The following CCNY variants were observed in gnomAD, a reference collection of about 807,000 sequenced individuals.
CCNY encodes the protein cyclin-Y.
A neutral mutation model predicts 42.8 loss-of-function variants in CCNY; 19 were observed. The ratio of observed to expected loss-of-function variants is 0.44; its 90% CI spans 0.31 to 0.65. The LOEUF (loss-of-function observed/expected upper bound fraction) is 0.65, where lower values mean the gene tolerates loss of function less well. CCNY is among the 30% of genes least tolerant of loss of function. CCNY has a pLI of 0.07. For missense variants in CCNY, 370 were observed against 437.3 expected (o/e 0.85, Z 1.37); for synonymous variants, 165 against 162.7 (o/e 1.01, Z -0.11).
chr10:35,564,893 G>C (rs1841537713), intron 8 of CCNY, among the ~76,000 whole-genome samples: 1 of 152,220 alleles, frequency 6.6e-6, no homozygotes, highest in South Asian at 2.1e-4. Context: ...CTGACTATGA[G>C]GAGAACAGCC....
At chr10:35,439,021 G>A (rs893273424) in intron 1 of CCNY, among the ~76,000 whole-genome samples, 3 of 152,156 alleles carry the variant, frequency 2.0e-5, no homozygotes, top group Admixed American at 2.0e-4. Context: ...TGAACAATCA[G>A]CTGTCATTCA....
intron 3 of CCNY, among the ~76,000 whole-genome samples, chr10:35,275,874 C>T (rs1001129013): frequency 3.3e-5 from 5 of 152,212 alleles, no homozygotes; most frequent in Admixed American, 2.6e-4. Flanking sequence ...CACACGGCCC[C>T]AGCCACCGCC....
intron 3 of CCNY, among the ~76,000 whole-genome samples, chr10:35,316,750 C>T (rs1432326901): frequency 6.6e-6 from 1 of 152,090 alleles, no homozygotes; most frequent in African/African-American, 2.4e-5. Context: ...AAACTGAAAG[C>T]AGAAAGTACC....
intron 1 of CCNY, among the ~76,000 whole-genome samples, chr10:35,453,634 A>G (rs1307772076): frequency 6.6e-6 from 1 of 152,274 alleles, no homozygotes; most frequent in Non-Finnish European, 1.5e-5. Context: ...TAAGTTGGGC[A>G]GCATTTGGTA....
intron 1 of CCNY, among the ~76,000 whole-genome samples, chr10:35,386,204 T>A (rs1788909458): frequency 6.6e-6 from 1 of 152,224 alleles, no homozygotes; most frequent in Admixed American, 6.5e-5. Context: ...TTCTGTGAAT[T>A]TATCTTTTTT....
At chr10:35,494,923 C>A (rs1839977274) in intron 2 of CCNY, among the ~76,000 whole-genome samples, 1 of 152,140 alleles carries the variant, frequency 6.6e-6, no homozygotes, top group South Asian at 2.1e-4. Context: ...ACAGGTTGGG[C>A]CTCTCAAATT....
At chr10:35,326,450 A>G (rs1835881476) in intron 3 of CCNY, among the ~76,000 whole-genome samples, 1 of 152,256 alleles carries the variant, frequency 6.6e-6, no homozygotes, top group African/African-American at 2.4e-5. Flanking sequence ...GTGGCAGCAT[A>G]GCTAATATAA....
At chr10:35,389,109 G>A (rs549989916) in intron 1 of CCNY, among the ~76,000 whole-genome samples, 1 of 152,312 alleles carries the variant, frequency 6.6e-6, no homozygotes, top group East Asian at 1.9e-4. Flanking sequence ...CAGGGATTAG[G>A]ACGAGGACAT....
intron 7 of CCNY, among the ~76,000 whole-genome samples, chr10:35,540,294 A>T (rs1840972479): frequency 6.6e-6 from 1 of 152,142 alleles, no homozygotes; most frequent in African/African-American, 2.4e-5. Context: ...AGGGTATTAG[A>T]TTCTGTTAAA....
chr10:35,536,294 C>T (rs917080681), intron 7 of CCNY, among the ~76,000 whole-genome samples: 1 of 152,166 alleles, frequency 6.6e-6, no homozygotes, highest in African/African-American at 2.4e-5. Flanking sequence ...AAGGCCTCCC[C>T]AGCCATGTGG....
chr10:35,281,286 A>T (rs1311035357), intron 3 of CCNY, among the ~76,000 whole-genome samples: 3 of 151,836 alleles, frequency 2.0e-5, no homozygotes, highest in Admixed American at 1.3e-4. Context: ...TTTATTATTT[A>T]TTTATTATTT....
chr10:35,310,147 G>A (rs889741600), intron 3 of CCNY, among the ~76,000 whole-genome samples: 2 of 152,174 alleles, frequency 1.3e-5, no homozygotes, highest in Non-Finnish European at 2.9e-5. Flanking sequence ...ACTGTTTCAA[G>A]TTTCCTACAT....
chr10:35,569,663 C>G lies in CCNY; in HGVS notation c.*493C>G, dbSNP rs146569512. ...TTTTTGCCCTGTTTTGATTTTGGTCCCACAGAGCAGGGGATGTAGTTTGTA... is the reference window on the plus strand; with the variant it reads ...TTTTTGCCCTGTTTTGATTTTGGTCGCACAGAGCAGGGGATGTAGTTTGTA... On this transcript the variant is annotated 3_prime_UTR_variant, in exon 10 of 10. Transcript: ENST00000374704. 168 of 176,552 alleles carry G rather than the reference C, an allele frequency of 9.5e-4. 1 individual carries two copies. Among genetic ancestry groups the G allele is most frequent in the African/African-American group, 3.8e-3 (159 of 42,290 alleles). 10.9% of individuals were successfully genotyped at this position (176,552 alleles called of 1,614,324 possible).
intron 1 of CCNY, among the ~76,000 whole-genome samples, chr10:35,359,506 A>AT (rs1474048743): frequency 1.9e-3 from 285 of 151,720 alleles, no homozygotes; most frequent in African/African-American, 6.5e-3. Flanking sequence ...TATTATTATT[A>AT]TTATTATTTT....
intron 1 of CCNY, among the ~76,000 whole-genome samples, chr10:35,440,545 C>T (rs1838643678): frequency 1.3e-5 from 2 of 152,208 alleles, no homozygotes; most frequent in Non-Finnish European, 2.9e-5. Context: ...CCCACCCCTC[C>T]TAGTGCTGAC....
At chr10:35,524,145 G>A (rs1168788404) in intron 4 of CCNY, among the ~76,000 whole-genome samples, 2 of 152,194 alleles carry the variant, frequency 1.3e-5, no homozygotes, top group Admixed American at 6.5e-5. Flanking sequence ...GGCAGCTACC[G>A]TCTGAACCTG....
At position 35,530,229 on chromosome 10, in the gene CCNY, G is replaced by A; in HGVS notation, c.565G>A (p.Ala189Thr). 6.2e-7 allele frequency: 1 copy of A among 1,614,172 alleles called. No homozygotes were observed. Among genetic ancestry groups the A allele is most frequent in the Non-Finnish European group, 8.5e-7 (1 of 1,180,024 alleles). ...FSAAQLTAEC[A>T]IVTLVYLERL... is the part of the protein sequence containing the mutation. ...TGCTGCTCAGCTGACGGCTGAATGT[G>A]CCATCGTCACCCTGGTGAGTGCCCT... The change falls in exon 7 of 10, where the codon GCC (alanine) becomes ACC (threonine). Residue 189 changes from alanine to threonine, a missense_variant. Physicochemically the swap from Ala to Thr is moderately conservative, Grantham distance 58. This residue lies in a region of CCNY where 234 missense variants were observed against 313.1 expected (regional missense o/e 0.75). Transcript: ENST00000374704. The surrounding 1 kb of genome is among the most constrained non-coding windows in gnomAD (Gnocchi z 4.3).
At chr10:35,287,295 G>C (rs191224722) in intron 3 of CCNY, among the ~76,000 whole-genome samples, 31 of 152,078 alleles carry the variant, frequency 2.0e-4, no homozygotes, top group Admixed American at 1.4e-3. Context: ...TTATTTTAGG[G>C]TTCTTTAAAT....
chr10:35,520,823 T>G (rs1840532016), intron 4 of CCNY, among the ~76,000 whole-genome samples: 1 of 152,204 alleles, frequency 6.6e-6, no homozygotes, highest in Non-Finnish European at 1.5e-5. Context: ...AATTTAGAGT[T>G]TGTCAGCCAC....
Sources: gnomAD v4.1 joint callset for allele counts (sites outside exome capture counted in the v4.1 genomes callset) on GRCh38, gnomAD v4.1.1 for gene constraint, gnomAD v4.1.1 regional missense constraint, Gnocchi (gnomAD v3.1) non-coding constraint, MANE v1.5 for transcripts, NCBI Gene and HGNC (gene_info 2026-07-23, HGNC 2026-07-21) for gene names.